GCNT2: variants seen among roughly 807,000 people sequenced by gnomAD.
GCNT2 encodes the protein N-acetyllactosaminide beta-1,6-N-acetylglucosaminyl-transferase.
In GCNT2, 34 loss-of-function variants were observed where a neutral mutation model predicts 34.2. The observed-to-expected ratio is 1.00, with a 90% CI of 0.76 to 1.32. The LOEUF (loss-of-function observed/expected upper bound fraction) is 1.32, where lower values mean the gene tolerates loss of function less well. GCNT2 is among the 40% of genes most tolerant of loss of function. GCNT2 has a pLI of 0.00. For missense variants in GCNT2, 584 were observed against 489.4 expected (o/e 1.19, Z -1.82); for synonymous variants, 212 against 188.0 (o/e 1.13, Z -1.04).
intron 1 of GCNT2, among the ~76,000 whole-genome samples, chr6:10,522,849 T>C (rs1384687994): frequency 2.0e-5 from 3 of 152,188 alleles, no homozygotes; most frequent in Non-Finnish European, 2.9e-5. Flanking sequence ...GCTGCTGTTC[T>C]AGCTTCTCAT....
chr6:10,561,451 T>C (rs1762977734), intron 3 of GCNT2, among the ~76,000 whole-genome samples: 1 of 152,232 alleles, frequency 6.6e-6, no homozygotes, highest in Admixed American at 6.5e-5. Flanking sequence ...TATGAACCAC[T>C]GTGCCTGGCT....
chr6:10,564,220 G>A (rs1352396434), intron 3 of GCNT2, among the ~76,000 whole-genome samples: 1 of 152,138 alleles, frequency 6.6e-6, no homozygotes, highest in African/African-American at 2.4e-5. Context: ...TCCACATTTT[G>A]CAAATATGAA....
chr6:10,549,334 C>A (rs574569344), intron 3 of GCNT2, among the ~76,000 whole-genome samples: 12 of 152,180 alleles, frequency 7.9e-5, no homozygotes, highest in African/African-American at 2.9e-4. Context: ...ACTTAGATAT[C>A]TTTTGATGAA....
chr6:10,620,414 T>C (rs1328424027), intron 3 of GCNT2, among the ~76,000 whole-genome samples: 1 of 151,954 alleles, frequency 6.6e-6, no homozygotes, highest in Non-Finnish European at 1.5e-5. Flanking sequence ...TTAATTTTTT[T>C]TTTTTATTTT....
chr6:10,532,157 CG>C (rs1761523900), intron 3 of GCNT2, among the ~76,000 whole-genome samples: 1 of 152,010 alleles, frequency 6.6e-6, no homozygotes, highest in Non-Finnish European at 1.5e-5. Context: ...AGGATTGGAC[CG>C]GATGGCCTCC....
chr6:10,542,890 ATTCTTTTTTTTT>A (rs1762097917), intron 3 of GCNT2, among the ~76,000 whole-genome samples: 1 of 107,512 alleles, frequency 9.3e-6, no homozygotes, highest in African/African-American at 4.5e-5. Flanking sequence ...CCCTATGTTA[ATTCTTTTTTTTT>A]TTTTTTTTTT....
Position 10,551,637 on chromosome 6 carries a change from G to T in GCNT2, c.925+21801G>T, listed in dbSNP as rs1169671966. On this transcript the variant is annotated intron_variant, in intron 3 of 4. Transcript: ENST00000495262. ...CTTTTGTATTTTTAGTAGAGACAGGGTTTCACCATCTTGGCCAGGCTGGTC... is the reference window on the plus strand; with the variant it reads ...CTTTTGTATTTTTAGTAGAGACAGGTTTTCACCATCTTGGCCAGGCTGGTC... Among the ~76,000 whole-genome samples, 16 of 151,994 alleles carry T rather than the reference G, an allele frequency of 1.1e-4. No individual in the cohort carries two copies. In the East Asian group the frequency reaches 3.1e-3, roughly 29 times the overall value.
intron 3 of GCNT2, among the ~76,000 whole-genome samples, chr6:10,600,854 A>G (rs1305329293): frequency 6.6e-6 from 1 of 151,916 alleles, no homozygotes; most frequent in South Asian, 2.1e-4. Flanking sequence ...GCAGTGGTGC[A>G]ATCTTGGCTT....
At chr6:10,617,480 C>A (rs1765830714) in intron 3 of GCNT2, among the ~76,000 whole-genome samples, 1 of 152,216 alleles carries the variant, frequency 6.6e-6, no homozygotes. Flanking sequence ...CAGCCGCGGG[C>A]TGAAGGGCTC....
intron 3 of GCNT2, among the ~76,000 whole-genome samples, chr6:10,554,779 A>G (rs1304999735): frequency 6.6e-6 from 1 of 152,130 alleles, no homozygotes; most frequent in African/African-American, 2.4e-5. Flanking sequence ...TTCTCATTGT[A>G]TTGTTTTCTA....
chr6:10,595,592 T>C (rs575762411), intron 3 of GCNT2, among the ~76,000 whole-genome samples: 1 of 152,278 alleles, frequency 6.6e-6, no homozygotes, highest in East Asian at 1.9e-4. Flanking sequence ...TGGGTTGCTT[T>C]CTTTTCTTAA....
intron 3 of GCNT2, among the ~76,000 whole-genome samples, chr6:10,582,462 A>ATT (rs1175734991): frequency 5.8e-5 from 7 of 121,696 alleles, no homozygotes; most frequent in South Asian, 2.3e-4. Context: ...ATATATAATA[A>ATT]ATATAATATA....
intron 3 of GCNT2, among the ~76,000 whole-genome samples, chr6:10,584,615 G>T (rs1388089801): frequency 2.0e-5 from 3 of 152,182 alleles, no homozygotes; most frequent in Non-Finnish European, 4.4e-5. Context: ...CTTGGGCAGG[G>T]GTTCCTGCGG....
intron 3 of GCNT2, chr6:10,586,360 A>T (rs147482025): frequency 1.2e-6 from 2 of 1,614,112 alleles, no homozygotes; most frequent in Non-Finnish European, 1.7e-6. Context: ...CAAAATGTCT[A>T]CTGTGTTCAC....
chr6:10,618,765 A>C (rs1449170971), intron 3 of GCNT2, among the ~76,000 whole-genome samples: 1 of 152,236 alleles, frequency 6.6e-6, no homozygotes, highest in Non-Finnish European at 1.5e-5. Context: ...TTAGATAGGC[A>C]AGCATCAAAA....
intron 3 of GCNT2, among the ~76,000 whole-genome samples, chr6:10,617,747 C>CTTTTTTTTT (rs1407402607): frequency 1.2e-3 from 135 of 114,236 alleles, no homozygotes; most frequent in African/African-American, 3.2e-3. Context: ...GTCTGCATTT[C>CTTTTTTTTT]TTCTTTTTTT....
At position 10,563,771 on chromosome 6, in the gene GCNT2, AAAAAAAATATATATATATAT is replaced by A. The variant is rs1469534781; in HGVS notation, c.925+33937_925+33956del. Among the ~76,000 whole-genome samples the A allele has an allele frequency of 4.7e-4, 31 of 65,288 alleles. 1 individual carries two copies. Among genetic ancestry groups the A allele is most frequent in the Non-Finnish European group, 2.1e-4 (7 of 33,804 alleles). The allele number at this position is 65,288 out of a possible 152,430, so 42.8% of individuals were successfully genotyped here. ...AAAGAAAAAAGAAAAAAAAAAAAAA[AAAAAAAATATATATATATAT>A]ATATATATATATATATATGACTTGT... On this transcript the variant is annotated intron_variant, in intron 3 of 4. Transcript: ENST00000495262.
chr6:10,585,805 CA>C (rs1764316685), intron 3 of GCNT2: 1 of 1,444,862 alleles, frequency 6.9e-7, no homozygotes, highest in Non-Finnish European at 9.0e-7. Flanking sequence ...CAGGCACATC[CA>C]AAAAGGATGG....
intron 3 of GCNT2, among the ~76,000 whole-genome samples, chr6:10,598,825 C>T (rs75244794): frequency 2.0e-5 from 3 of 152,198 alleles, no homozygotes; most frequent in African/African-American, 7.2e-5. Flanking sequence ...GTGTGTGTGA[C>T]GTGAGGCTAA....
Sources: allele counts gnomAD v4.1 joint callset (sites outside exome capture counted in the v4.1 genomes callset), GRCh38; gene constraint gnomAD v4.1.1; transcripts MANE v1.5; gene names NCBI Gene and HGNC (gene_info 2026-07-23, HGNC 2026-07-21).